The following SLC35F6 variants were observed in gnomAD, a reference collection of about 807,000 sequenced individuals.
The protein encoded by SLC35F6 is ANT2-binding protein.
A neutral mutation model predicts 29.4 loss-of-function variants in SLC35F6; 26 were observed. That is an observed-to-expected ratio of 0.89 (90% CI 0.65 to 1.23). SLC35F6 has a LOEUF of 1.23. SLC35F6 is among the 50% of genes most tolerant of loss of function. The pLI, the probability that SLC35F6 is intolerant of heterozygous loss-of-function variation, is 0.00. For synonymous variants in SLC35F6, 174 were observed against 206.6 expected, an observed-to-expected ratio of 0.84 and a Z score of 1.35; for missense variants, 428 against 487.8, an observed-to-expected ratio of 0.88 and a Z score of 1.15.
rs60323100 is a variant in SLC35F6 at position 26,768,364 on chromosome 2, CTT to C, written c.77+3953_77+3954del. ...CTGAAGATCTACTGAGGAAGGTTTCCTTTTTTTTTTTTTTTTGAGACGGAGTC... is the reference window on the plus strand; with the variant it reads ...CTGAAGATCTACTGAGGAAGGTTTCCTTTTTTTTTTTTTTGAGACGGAGTC... On this transcript the variant is annotated intron_variant, in intron 1 of 5. Transcript: ENST00000344420. Among the ~76,000 whole-genome samples, 500 of 137,086 alleles carry C rather than the reference CTT, an allele frequency of 3.6e-3. 1 individual carries two copies. The highest frequency in any genetic ancestry group is 0.012 in the African/African-American group (420 of 36,400). 89.9% of individuals were successfully genotyped at this position (137,086 alleles called of 152,430 possible).
chr2:26,769,215 G>A (rs560430026), intron 1 of SLC35F6, among the ~76,000 whole-genome samples: 9 of 152,336 alleles, frequency 5.9e-5, no homozygotes, highest in South Asian at 2.1e-4. Flanking sequence ...TCACGTGGAC[G>A]TGCACACCTC....
At chr2:26,767,898 C>G (rs1165988251) in intron 1 of SLC35F6, among the ~76,000 whole-genome samples, 1 of 152,200 alleles carries the variant, frequency 6.6e-6, no homozygotes, top group African/African-American at 2.4e-5. Context: ...TAGATGCTCA[C>G]TAAGTAAGGC....
intron 1 of SLC35F6, among the ~76,000 whole-genome samples, chr2:26,769,518 C>G (rs1664156973): frequency 6.6e-6 from 1 of 152,244 alleles, no homozygotes; most frequent in African/African-American, 2.4e-5. Context: ...TGCTGAGCTT[C>G]CAGTGTACTG....
chr2:26,777,777 C>T (rs967208235), intron 5 of SLC35F6, among the ~76,000 whole-genome samples: 4 of 147,084 alleles, frequency 2.7e-5, no homozygotes, highest in African/African-American at 1.1e-4. Context: ...TGAACCTGTG[C>T]ACACGTGTAC....
Position 26,776,450 on chromosome 2 carries a change from A to G in SLC35F6, c.614A>G (p.Asn205Ser), listed in dbSNP as rs367972029. The G allele has an allele frequency of 2.4e-5, 39 of 1,613,840 alleles. No individual in the cohort carries two copies. The African/African-American group carries it at 3.9e-4, about 16-fold the overall frequency. ...GAGGAGAAGTTCGTCTACAAACACA[A>G]TGTGCACCCACTGCGGGCAGTTGGC... ...VLEEKFVYKHNVHPLRAVGTE... is the reference protein window; with the variant it reads ...VLEEKFVYKHSVHPLRAVGTE... The change falls in exon 5 of 6, where the codon AAT becomes AGT. Residue 205 changes from asparagine (N) to serine (S), a missense_variant. Transcript: ENST00000344420.
At chr2:26,771,738 C>T (rs999785586) in intron 1 of SLC35F6, among the ~76,000 whole-genome samples, 1 of 151,848 alleles carries the variant, frequency 6.6e-6, no homozygotes, top group Non-Finnish European at 1.5e-5. Flanking sequence ...GAGGCTGAGG[C>T]GGGAGGATTG....
chr2:26,776,287 G>T, intron 4 of SLC35F6, 85 bp from the exon 5 acceptor site: 2 of 1,229,690 alleles, frequency 1.6e-6, no homozygotes, highest in South Asian at 1.3e-5. Flanking sequence ...TCAGGGGCTG[G>T]CATGTTTGGT....
At chr2:26,772,209 C>T (rs1558292611) in intron 1 of SLC35F6, among the ~76,000 whole-genome samples, 2 of 152,292 alleles carry the variant, frequency 1.3e-5, no homozygotes, top group South Asian at 2.1e-4. Context: ...ACCCTAACTG[C>T]GGCACAACCA....
chr2:26,775,317 AT>A lies in SLC35F6; in HGVS notation c.322+104del, dbSNP rs1029828649. ...CCACCCACCTCCACTTCATCCCACC[AT>A]TCCCCCAGACTTCACACGCACAGGC... On this transcript the variant is annotated intron_variant, in intron 3 of 5. Coordinates refer to ENST00000344420, the MANE Select transcript of SLC35F6 (RefSeq NM_017877.4). The surrounding 1 kb of genome is among the most constrained non-coding windows in gnomAD (Gnocchi z 4.6). 1 of 1,530,084 alleles carries A rather than the reference AT, an allele frequency of 6.5e-7. No homozygotes were observed. The highest frequency in any genetic ancestry group is 1.4e-5 in the African/African-American group (1 of 72,624). 94.8% of individuals were successfully genotyped at this position (1,530,084 alleles called of 1,614,324 possible).
rs940419013 is a variant in SLC35F6 at position 26,776,283 on chromosome 2, G to A, written c.536-89G>A. ...ATAGGGGGCCCTGCAGAGGTCAGGGGCTGGCATGTTTGGTCGCTGTGGCCA... is the reference window on the plus strand; with the variant it reads ...ATAGGGGGCCCTGCAGAGGTCAGGGACTGGCATGTTTGGTCGCTGTGGCCA... On this transcript the variant is annotated intron_variant, in intron 4 of 5. Transcript: ENST00000344420. 7 of 1,171,814 alleles carry A rather than the reference G, an allele frequency of 6.0e-6. No homozygotes were observed. The African/African-American group carries it at 1.1e-4, about 18-fold the overall frequency. The allele number at this position is 1,171,814 out of a possible 1,614,324, so 72.6% of individuals were successfully genotyped here.
In SLC35F6 at chr2:26,778,112, C is replaced by T. The variant is rs1011034634; in HGVS notation, c.717C>T (p.Ser239=). The T allele has an allele frequency of 2.5e-5, 41 of 1,614,036 alleles. No homozygotes were observed. The highest frequency in any genetic ancestry group is 9.3e-5 in the African/African-American group (7 of 74,920). The stretch of plus-strand genomic sequence containing the variant: ...ACTACATCCCCGCCGGCTCCTTCAG[C>T]GGAAACCCTCGTGGGACACTGGAGG... ...PMYYIPAGSF[S]GNPRGTLEDA... Residue 239 remains serine (S), a synonymous_variant, in exon 6 of 6, where the codon AGC becomes AGT. Coordinates refer to ENST00000344420, the MANE Select transcript of SLC35F6 (RefSeq NM_017877.4).
intron 5 of SLC35F6, 86 bp downstream of exon 5, chr2:26,776,568 T>C (rs1664304807): frequency 1.6e-6 from 2 of 1,237,752 alleles, no homozygotes; most frequent in Non-Finnish European, 2.3e-6. Flanking sequence ...AGGGTTCACT[T>C]GTGGGGGGTG....
chr2:26,771,713 A>G (rs1664199194), intron 1 of SLC35F6, among the ~76,000 whole-genome samples: 1 of 152,126 alleles, frequency 6.6e-6, no homozygotes, highest in Non-Finnish European at 1.5e-5. Flanking sequence ...CATGCCTATA[A>G]TCTCAGCAAC....
Position 26,780,426 on chromosome 2 carries a change from C to T in SLC35F6, c.*1915C>T, listed in dbSNP as rs1279274696. 1 of 152,138 alleles carries T rather than the reference C, an allele frequency of 6.6e-6. No individual in the cohort carries two copies. The highest frequency in any genetic ancestry group is 1.9e-4 in the East Asian group (1 of 5,170). The allele number at this position is 152,138 out of a possible 1,614,324, so 9.4% of individuals were successfully genotyped here. On this transcript the variant is annotated 3_prime_UTR_variant, in exon 6 of 6. Coordinates refer to ENST00000344420, the MANE Select transcript of SLC35F6 (RefSeq NM_017877.4). ...GGCAACCTGCCTGCCTAGAGAACTCCCAAGATGACAGACTAAGTAGGATTC... is the reference window on the plus strand; with the variant it reads ...GGCAACCTGCCTGCCTAGAGAACTCTCAAGATGACAGACTAAGTAGGATTC...
intron 1 of SLC35F6, among the ~76,000 whole-genome samples, chr2:26,770,713 G>T (rs996385730): frequency 6.6e-6 from 1 of 150,730 alleles, no homozygotes; most frequent in Non-Finnish European, 1.5e-5. Flanking sequence ...GGGAGGCTCC[G>T]TTTCAAAAAA....
intron 1 of SLC35F6, among the ~76,000 whole-genome samples, chr2:26,772,055 T>C (rs1464357228): frequency 6.6e-6 from 1 of 152,192 alleles, no homozygotes; most frequent in Non-Finnish European, 1.5e-5. Context: ...CCACAAGGAA[T>C]CTTAACTACC....
At chr2:26,777,416 G>A (rs1664320600) in intron 5 of SLC35F6, among the ~76,000 whole-genome samples, 1 of 152,218 alleles carries the variant, frequency 6.6e-6, no homozygotes, top group Non-Finnish European at 1.5e-5. Flanking sequence ...TGTCCTGGGG[G>A]CTAGTGCCTG....
rs921602967 is a variant in SLC35F6 at position 26,775,876 on chromosome 2, G to A, written c.535+200G>A. Among the ~76,000 whole-genome samples, 1 of 152,198 alleles carries A rather than the reference G, an allele frequency of 6.6e-6. No homozygotes were observed. Among genetic ancestry groups the A allele is most frequent in the Non-Finnish European group, 1.5e-5 (1 of 68,046 alleles). The stretch of plus-strand genomic sequence containing the variant: ...CCAAGGATGAGTGGCAGGCCGGGCA[G>A]GGCGAGGGGCTGGCTTGTCCTTTGA... On this transcript the variant is annotated intron_variant, in intron 4 of 5. Transcript: ENST00000344420. The surrounding 1 kb of genome is among the most constrained non-coding windows in gnomAD (Gnocchi z 4.6).
At position 26,766,591 on chromosome 2, in the gene SLC35F6, C is replaced by T. The variant is rs929862090; in HGVS notation, c.77+2165C>T. Among the ~76,000 whole-genome samples, 6 of 92,522 alleles carry T rather than the reference C, an allele frequency of 6.5e-5. No individual in the cohort carries two copies. The East Asian group carries it at 9.0e-4, about 14-fold the overall frequency. The allele number at this position is 92,522 out of a possible 152,430, so 60.7% of individuals were successfully genotyped here. A position where few individuals can be genotyped will look rare whatever the true frequency, so the allele number is the denominator to read the frequency against. ...CCAACCTGGGTGACAGAGTGAGACTCGGTCTCAAAAAAAAAAATAAAAGGA... is the reference window on the plus strand; with the variant it reads ...CCAACCTGGGTGACAGAGTGAGACTTGGTCTCAAAAAAAAAAATAAAAGGA... On this transcript the variant is annotated intron_variant, in intron 1 of 5. Transcript: ENST00000344420.
Sources: gnomAD v4.1 joint callset for allele counts (sites outside exome capture counted in the v4.1 genomes callset) on GRCh38, gnomAD v4.1.1 for gene constraint, Gnocchi (gnomAD v3.1) non-coding constraint, MANE v1.5 for transcripts, NCBI Gene and HGNC (gene_info 2026-07-23, HGNC 2026-07-21) for gene names.